The following TYW1 variants were observed in gnomAD, a reference collection of about 807,000 sequenced individuals.
TYW1 encodes the protein tRNA-yW synthesizing protein 1 homolog, also known as S-adenosyl-L-methionine-dependent tRNA 4-demethylwyosine synthase TYW1.
A neutral mutation model predicts 96.2 loss-of-function variants in TYW1; 46 were observed. The observed-to-expected ratio is 0.48, with a 90% confidence interval of 0.38 to 0.61. The LOEUF (loss-of-function observed/expected upper bound fraction) is 0.61. Ranked by LOEUF, TYW1 falls within the 20% of genes least tolerant of loss-of-function variation. The pLI, the probability that TYW1 is intolerant of heterozygous loss-of-function variation, is 0.00. For missense variants in TYW1, 684 were observed against 909.6 expected, an observed-to-expected ratio of 0.75 and a Z score of 3.19; for synonymous variants, 274 against 323.0, an observed-to-expected ratio of 0.85 and a Z score of 1.63.
At position 67,155,614 on chromosome 7, in the gene TYW1, G is replaced by A. The variant is rs933095036; in HGVS notation, c.1699-27512G>A. On this transcript the variant is annotated intron_variant, in intron 13 of 15. Transcript: ENST00000359626. The stretch of plus-strand genomic sequence containing the variant: ...GTCACCCAGGCTGGAGTGCAGTGGC[G>A]CGATCTCAATATCAGCTCACTGCAG... Among the ~76,000 whole-genome samples, 9 of 151,456 alleles carry A rather than the reference G, an allele frequency of 5.9e-5. No individual in the cohort carries two copies. In the East Asian group the frequency reaches 1.2e-3, roughly 19 times the overall value.
chr7:67,186,621 G>T (rs139471834), intron 14 of TYW1, among the ~76,000 whole-genome samples: 2,252 of 150,992 alleles, frequency 0.015, 40 homozygotes, highest in South Asian at 0.018. Flanking sequence ...CCAAGTAGCT[G>T]GATGACAGAC....
chr7:67,146,515 G>A (rs1798615451), intron 13 of TYW1, among the ~76,000 whole-genome samples: 1 of 151,328 alleles, frequency 6.6e-6, no homozygotes, highest in South Asian at 2.1e-4. Context: ...ACACAATGGA[G>A]CAAGACCAAC....
intron 7 of TYW1, among the ~76,000 whole-genome samples, chr7:67,043,084 T>C (rs888094444): frequency 6.6e-6 from 1 of 151,932 alleles, no homozygotes; most frequent in African/African-American, 2.4e-5. Flanking sequence ...ATGATCAAAC[T>C]ATTATCATCT....
chr7:67,161,952 T>C (rs1224524211), intron 13 of TYW1, among the ~76,000 whole-genome samples: 2 of 152,084 alleles, frequency 1.3e-5, no homozygotes, highest in African/African-American at 2.4e-5. Context: ...GTTTTTGTTT[T>C]TGTTGTTTTG....
intron 13 of TYW1, among the ~76,000 whole-genome samples, chr7:67,126,671 T>C (rs1407151678): frequency 6.6e-6 from 1 of 152,232 alleles, no homozygotes; most frequent in Non-Finnish European, 1.5e-5. Flanking sequence ...TAGATTCTTT[T>C]TTTTGCATGT....
In TYW1 at chr7:67,238,934, T is replaced by C. The variant is rs1435677583; in HGVS notation, c.*405T>C. ...CCCTTAGATTTCATGGAGCAGCCAC[T>C]TAGCATTGAATTGCACTACCCTGAG... On this transcript the variant is annotated 3_prime_UTR_variant, in exon 16 of 16. Transcript: ENST00000359626. 3 of 1,040,404 alleles carry C rather than the reference T, an allele frequency of 2.9e-6. No homozygotes were observed. In the African/African-American group the frequency reaches 5.0e-5, roughly 17 times the overall value. 64.4% of individuals were successfully genotyped at this position (1,040,404 alleles called of 1,614,324 possible). A position where few individuals can be genotyped will look rare whatever the true frequency, so the allele number is the denominator to read the frequency against.
chr7:67,102,035 TG>T (rs1797102088), intron 12 of TYW1, among the ~76,000 whole-genome samples: 1 of 152,170 alleles, frequency 6.6e-6, no homozygotes, highest in Non-Finnish European at 1.5e-5. Context: ...ATGGCTCATG[TG>T]GGGGACATTG....
At position 67,195,243 on chromosome 7, in the gene TYW1, TAC is replaced by T; in HGVS notation, c.1885_1886del (p.Gln629ValfsTer13). The T allele has an allele frequency of 6.2e-7, 1 of 1,612,988 alleles. No individual in the cohort carries two copies. Among genetic ancestry groups the T allele is most frequent in the Non-Finnish European group, 8.5e-7 (1 of 1,179,770 alleles). On this transcript the variant is annotated frameshift_variant, in exon 15 of 16. Transcript: ENST00000359626. LOFTEE classifies it high-confidence loss of function. ...CACGTGCCCTGGCATGAGGAAGTGG[TAC>T]AGTTTGTCCACGAGTTGGTGGATCT...
At chr7:67,021,188 TTC>T (rs1322809900) in intron 6 of TYW1, among the ~76,000 whole-genome samples, 3 of 152,298 alleles carry the variant, frequency 2.0e-5, no homozygotes, top group Non-Finnish European at 4.4e-5. Flanking sequence ...TTAAATTACC[TTC>T]TGTCTTCCCA....
At chr7:67,176,522 T>G (rs1479525903) in intron 13 of TYW1, among the ~76,000 whole-genome samples, 2 of 152,180 alleles carry the variant, frequency 1.3e-5, no homozygotes, top group African/African-American at 4.8e-5. Context: ...AATATTTAAA[T>G]ATTGATTTCT....
chr7:67,017,870 C>T lies in TYW1; in HGVS notation c.588C>T (p.Asp196=), dbSNP rs748759178. The change falls in exon 6 of 16, where the codon GAC becomes GAT. Residue 196 remains aspartate (D), a synonymous_variant. Coordinates refer to ENST00000359626, the MANE Select transcript of TYW1 (RefSeq NM_018264.4). ...CCTCACAGGTTGGCAAAAATGTTGA[C>T]AAGTGGCTCTGGATGCTTGGCGCGC... The part of the protein sequence containing the change: ...SHFNKVGKNV[D]KWLWMLGAHR... 11 of 1,611,620 alleles carry T rather than the reference C, an allele frequency of 6.8e-6. No homozygotes were observed. Among genetic ancestry groups the T allele is most frequent in the Non-Finnish European group, 9.3e-6 (11 of 1,177,914 alleles).
At chr7:67,082,689 G>A (rs921649762) in intron 10 of TYW1, among the ~76,000 whole-genome samples, 7 of 152,054 alleles carry the variant, frequency 4.6e-5, no homozygotes, top group African/African-American at 1.7e-4. Flanking sequence ...GCTGGTCCTT[G>A]GGCCCTGGCG....
At chr7:67,016,429 C>T (rs1794024531) in intron 5 of TYW1, among the ~76,000 whole-genome samples, 1 of 151,498 alleles carries the variant, frequency 6.6e-6, no homozygotes, top group Non-Finnish European at 1.5e-5. Context: ...TGCCTGTAGT[C>T]CCAACTACTT....
intron 7 of TYW1, among the ~76,000 whole-genome samples, chr7:67,049,182 T>C (rs1795282521): frequency 6.6e-6 from 1 of 152,242 alleles, no homozygotes; most frequent in Non-Finnish European, 1.5e-5. Flanking sequence ...GAACGCCTAT[T>C]GTACATCAGG....
intron 11 of TYW1, among the ~76,000 whole-genome samples, chr7:67,086,423 GGTGTAT>G (rs953553678): frequency 3.3e-5 from 5 of 150,962 alleles, no homozygotes; most frequent in Admixed American, 1.3e-4. Flanking sequence ...AGAACCAGTG[GGTGTAT>G]GTGTATGTGT....
intron 15 of TYW1, among the ~76,000 whole-genome samples, chr7:67,217,351 T>G (rs1801230239): frequency 6.6e-6 from 1 of 152,202 alleles, no homozygotes; most frequent in Non-Finnish European, 1.5e-5. Flanking sequence ...GTCATGAAGC[T>G]TTTGCCATAT....
chr7:67,167,615 C>T (rs1380920055), intron 13 of TYW1, among the ~76,000 whole-genome samples: 2 of 151,530 alleles, frequency 1.3e-5, no homozygotes, highest in Non-Finnish European at 2.9e-5. Context: ...TTTTTTCCCA[C>T]TGCAATGGGT....
chr7:67,230,712 G>A (rs1445941354), intron 15 of TYW1, among the ~76,000 whole-genome samples: 7 of 147,406 alleles, frequency 4.7e-5, no homozygotes, highest in Admixed American at 2.8e-4. Flanking sequence ...GAGTGCAGTG[G>A]CGCGATCTCG....
chr7:67,001,699 C>T (rs1392118494), intron 3 of TYW1, among the ~76,000 whole-genome samples: 4 of 151,432 alleles, frequency 2.6e-5, no homozygotes, highest in African/African-American at 9.7e-5. Flanking sequence ...GGATTACAGG[C>T]GTGAGCCACC....
Sources: allele counts gnomAD v4.1 joint callset (sites outside exome capture counted in the v4.1 genomes callset), GRCh38; gene constraint gnomAD v4.1.1; transcripts MANE v1.5; gene names NCBI Gene and HGNC (gene_info 2026-07-23, HGNC 2026-07-21).